The following LRBA variants were observed in gnomAD, a reference collection of about 807,000 sequenced individuals.
The protein encoded by LRBA is lipopolysaccharide-responsive and beige-like anchor protein.
Under a neutral mutation model 330.0 loss-of-function variants are expected in LRBA, and 176 were observed. The ratio of observed to expected loss-of-function variants is 0.53; its 90% CI spans 0.47 to 0.60. The LOEUF (loss-of-function observed/expected upper bound fraction) is 0.60. Among genes scored for constraint, LRBA ranks in the 20% least tolerant of loss-of-function variants. The pLI is 0.00. For missense variants in LRBA, 3,259 were observed against 3,444.8 expected, an observed-to-expected ratio of 0.95 and a Z score of 1.35; for synonymous variants, 1,230 against 1,193.0, an observed-to-expected ratio of 1.03 and a Z score of -0.64.
At chr4:150,660,680 A>G (rs1180689819) in intron 37 of LRBA, among the ~76,000 whole-genome samples, 9 of 137,924 alleles carry the variant, frequency 6.5e-5, no homozygotes, top group South Asian at 2.6e-4. Context: ...GTGTCTGTGT[A>G]GAAAGAAGTA....
intron 40 of LRBA, among the ~76,000 whole-genome samples, chr4:150,522,696 A>G (rs944487117): frequency 6.6e-6 from 1 of 152,226 alleles, no homozygotes; most frequent in South Asian, 2.1e-4. Flanking sequence ...GGCCAGGTGC[A>G]GTTCAGGCCA....
At chr4:150,536,658 T>A (rs1764687176) in intron 40 of LRBA, among the ~76,000 whole-genome samples, 1 of 152,228 alleles carries the variant, frequency 6.6e-6, no homozygotes, top group Non-Finnish European at 1.5e-5. Context: ...AATGTTTACA[T>A]GAATTAATTT....
intron 55 of LRBA, among the ~76,000 whole-genome samples, chr4:150,281,758 G>T (rs1747566367): frequency 6.6e-6 from 1 of 152,104 alleles, no homozygotes; most frequent in South Asian, 2.1e-4. Flanking sequence ...GAGTTTGGAG[G>T]TAAGAAACAA....
intron 34 of LRBA, among the ~76,000 whole-genome samples, chr4:150,767,756 C>CA (rs373910038): frequency 7.3e-4 from 87 of 118,786 alleles, no homozygotes; most frequent in East Asian, 6.1e-3. Flanking sequence ...AGACTTGTTG[C>CA]AAAAAAAAAA....
chr4:150,795,009 T>C (rs1314636970), intron 34 of LRBA, among the ~76,000 whole-genome samples: 1 of 152,102 alleles, frequency 6.6e-6, no homozygotes, highest in Admixed American at 6.5e-5. Context: ...TATTTATTTA[T>C]TAGATGTTTT....
intron 33 of LRBA, among the ~76,000 whole-genome samples, chr4:150,804,760 T>A (rs1399010008): frequency 6.6e-6 from 1 of 152,102 alleles, no homozygotes; most frequent in Non-Finnish European, 1.5e-5. Context: ...CACTTTTGAA[T>A]GCAAAAATTA....
chr4:150,470,876 C>CACACACACACACCA lies in LRBA; in HGVS notation c.6667+747_6667+748insTGGTGTGTGTGTGT, dbSNP rs1554034850. Among the ~76,000 whole-genome samples, 657 of 143,772 alleles carry CACACACACACACCA rather than the reference C, an allele frequency of 4.6e-3. 7 individuals carry two copies. The highest frequency in any genetic ancestry group is 0.037 in the East Asian group (178 of 4,750). The allele number at this position is 143,772 out of a possible 152,430, so 94.3% of individuals were successfully genotyped here. ...ACACACACACACACACACACACACA[C>CACACACACACACCA]CACACACTAAATTACTTCCTAACTT... On this transcript the variant is annotated intron_variant, in intron 43 of 56. Coordinates refer to ENST00000651943, the MANE Select transcript of LRBA (RefSeq NM_001364905.1).
chr4:150,769,481 C>CA (rs971421526), intron 34 of LRBA, among the ~76,000 whole-genome samples: 29 of 152,120 alleles, frequency 1.9e-4, no homozygotes, highest in African/African-American at 6.5e-4. Flanking sequence ...AGCCTCTAGA[C>CA]CCAGGAAGAG....
chr4:150,705,188 G>A (rs1785499348), intron 36 of LRBA, among the ~76,000 whole-genome samples: 1 of 152,052 alleles, frequency 6.6e-6, no homozygotes, highest in Non-Finnish European at 1.5e-5. Flanking sequence ...TAACCGTCTA[G>A]AATGAAGTGT....
rs1465777119 is a variant in LRBA at position 150,321,203 on chromosome 4, G to A, written c.7618C>T (p.His2540Tyr). ...TTTCTTTACTTACCAGGAAGGTTGT[G>A]CCATTTGTTCACCGCAAATAACCTG... ...ANRLFAVNKW[H>Y]NLPAHQGAVQ... is the part of the protein sequence containing the mutation. Residue 2540 changes from histidine (H) to tyrosine (Y), a missense_variant, in exon 50 of 57, where the codon CAC becomes TAC. Transcript: ENST00000651943. This position sits in a 1 kb window ranked among gnomAD's most constrained non-coding sequence, Gnocchi z 4.5. 1.2e-6 allele frequency: 2 copies of A among 1,608,458 alleles called. No individual in the cohort carries two copies. Among genetic ancestry groups the A allele is most frequent in the South Asian group, 1.1e-5 (1 of 89,838 alleles).
intron 31 of LRBA, among the ~76,000 whole-genome samples, chr4:150,811,954 G>A (rs1743798134): frequency 6.6e-6 from 1 of 152,086 alleles, no homozygotes; most frequent in Non-Finnish European, 1.5e-5. Flanking sequence ...TTCTAAAAGA[G>A]AATATAGCAG....
At chr4:150,559,939 T>A (rs1487312009) in intron 40 of LRBA, among the ~76,000 whole-genome samples, 3 of 105,616 alleles carry the variant, frequency 2.8e-5, no homozygotes, top group South Asian at 2.5e-4. Flanking sequence ...TATATATATA[T>A]CTATATAAAT....
rs529722769 is a variant in LRBA, at chr4:150,303,430, G to A, written c.7850-638C>T. Among the ~76,000 whole-genome samples the A allele has an allele frequency of 2.6e-5, 4 of 152,170 alleles. No individual in the cohort carries two copies. The South Asian group carries it at 8.3e-4, about 32-fold the overall frequency. ...AATTTTCTGATGAAAATTCCTTGAG[G>A]GTGAAATCAAGATGGTAATGACTGG... is the stretch of plus-strand genomic sequence containing the variant. On this transcript the variant is annotated intron_variant, in intron 52 of 56. Coordinates refer to ENST00000651943, the MANE Select transcript of LRBA (RefSeq NM_001364905.1).
At chr4:150,837,622 T>C (rs1409161360) in intron 28 of LRBA, among the ~76,000 whole-genome samples, 1 of 152,212 alleles carries the variant, frequency 6.6e-6, no homozygotes, top group African/African-American at 2.4e-5. Flanking sequence ...ACCCCTGCCT[T>C]TTTTTGTTTT....
chr4:150,605,998 T>C (rs1372296766), intron 37 of LRBA, among the ~76,000 whole-genome samples: 1 of 152,192 alleles, frequency 6.6e-6, no homozygotes, highest in Non-Finnish European at 1.5e-5. Flanking sequence ...GAGTATCATA[T>C]ATTTTATTTA....
chr4:150,610,747 C>T (rs890977213), intron 37 of LRBA, among the ~76,000 whole-genome samples: 1 of 152,030 alleles, frequency 6.6e-6, no homozygotes, highest in Non-Finnish European at 1.5e-5. Context: ...GTGATAAATC[C>T]ATGATCTTTC....
chr4:150,369,549 T>C (rs1739957796), intron 47 of LRBA, among the ~76,000 whole-genome samples: 1 of 152,132 alleles, frequency 6.6e-6, no homozygotes, highest in Non-Finnish European at 1.5e-5. Flanking sequence ...AATATACTTT[T>C]TTTTTTTAGA....
At chr4:150,361,551 T>C (rs1738694959) in intron 47 of LRBA, among the ~76,000 whole-genome samples, 1 of 152,130 alleles carries the variant, frequency 6.6e-6, no homozygotes. Context: ...TGACACTCTC[T>C]CTCCAGATTC....
intron 40 of LRBA, among the ~76,000 whole-genome samples, chr4:150,578,409 T>C (rs1182421860): frequency 6.6e-6 from 1 of 152,342 alleles, no homozygotes; most frequent in East Asian, 1.9e-4. Context: ...CCAATTTTTT[T>C]TGAAAATATA....
Sources: gnomAD v4.1 joint callset for allele counts (sites outside exome capture counted in the v4.1 genomes callset) on GRCh38, gnomAD v4.1.1 for gene constraint, Gnocchi (gnomAD v3.1) non-coding constraint, MANE v1.5 for transcripts, NCBI Gene and HGNC (gene_info 2026-07-23, HGNC 2026-07-21) for gene names.